USP4: variants seen among roughly 807,000 people sequenced by gnomAD.
USP4 encodes the protein ubiquitin specific peptidase 4.
A neutral mutation model predicts 118.2 loss-of-function variants in USP4; 72 were observed. The observed-to-expected ratio is 0.61, with a 90% CI of 0.50 to 0.74. The LOEUF (loss-of-function observed/expected upper bound fraction) is 0.74, where lower values mean the gene tolerates loss of function less well. USP4 is among the 30% of genes least tolerant of loss of function. The pLI, the probability that USP4 is intolerant of heterozygous loss-of-function variation, is 0.00. For missense variants in USP4, 1,037 were observed against 1,185.7 expected, an observed-to-expected ratio of 0.87 and a Z score of 1.84; for synonymous variants, 415 against 440.4, an observed-to-expected ratio of 0.94 and a Z score of 0.72.
Position 49,316,184 on chromosome 3 carries a change from G to A in USP4, c.696-4530C>T, listed in dbSNP as rs560878526. Among the ~76,000 whole-genome samples the A allele has an allele frequency of 1.4e-4, 22 of 152,224 alleles. No homozygotes were observed. The East Asian group carries it at 4.1e-3, about 28-fold the overall frequency. On this transcript the variant is annotated intron_variant, in intron 6 of 21. Coordinates refer to ENST00000265560, the MANE Select transcript of USP4 (RefSeq NM_003363.4). The stretch of plus-strand genomic sequence containing the variant: ...GCCATTGCACTCCAGACTGGGAAAT[G>A]AGAGCGAGACTTCATCTAAAAAAAA...
At chr3:49,306,380 T>G (rs2047317708) in intron 8 of USP4, among the ~76,000 whole-genome samples, 1 of 151,762 alleles carries the variant, frequency 6.6e-6, no homozygotes, top group African/African-American at 2.4e-5. Flanking sequence ...TTTTTGTATT[T>G]TCAGTAGAGA....
chr3:49,285,780 TA>T (rs1243496515), intron 16 of USP4, among the ~76,000 whole-genome samples: 4 of 152,194 alleles, frequency 2.6e-5, no homozygotes, highest in African/African-American at 7.2e-5. Flanking sequence ...CTTATTCTTA[TA>T]AGTGAGCAAG....
chr3:49,298,107 G>A (rs998796322), intron 12 of USP4, 143 bp from the exon 13 acceptor site: 1 of 632,854 alleles, frequency 1.6e-6, no homozygotes, highest in African/African-American at 1.8e-5. Context: ...CAGCCCCAGA[G>A]AGCTGAGGGC....
chr3:49,281,164 T>G (rs1275072488), intron 19 of USP4, among the ~76,000 whole-genome samples: 1 of 151,524 alleles, frequency 6.6e-6, no homozygotes, highest in Non-Finnish European at 1.5e-5. Flanking sequence ...CTGCTAAAAA[T>G]ACAAAAATTA....
chr3:49,323,234 T>C (rs2107797510), intron 6 of USP4, among the ~76,000 whole-genome samples: 1 of 136,224 alleles, frequency 7.3e-6, no homozygotes, highest in African/African-American at 2.8e-5. Context: ...CCCAAAGTGC[T>C]GGGATTACAG....
In USP4 at chr3:49,321,247, G is replaced by A. The variant is rs570987980; in HGVS notation, c.695+3455C>T. Among the ~76,000 whole-genome samples, 6 of 152,154 alleles carry A rather than the reference G, an allele frequency of 3.9e-5. No homozygotes were observed. In the East Asian group the frequency reaches 7.7e-4, roughly 20 times the overall value. On this transcript the variant is annotated intron_variant, in intron 6 of 21. Coordinates refer to ENST00000265560, the MANE Select transcript of USP4 (RefSeq NM_003363.4). ...TTCAAAGTTATACATTCAATTTTCC[G>A]TTTCTGTTAGTTGTTCCATTAACTT...
rs771244239 is a variant in USP4, at chr3:49,340,004, G to A, written c.21C>T (p.Cys7=). The change falls in exon 1 of 22, where the codon TGC becomes TGT. Residue 7 remains cysteine, a synonymous_variant. Coordinates refer to ENST00000265560, the MANE Select transcript of USP4 (RefSeq NM_003363.4). ...GAGTCTCCGCATCCGGTCGCTCACGGCAGCCTCCACCTTCCGCCATCTCCT... is the reference window on the plus strand; with the variant it reads ...GAGTCTCCGCATCCGGTCGCTCACGACAGCCTCCACCTTCCGCCATCTCCT... MAEGGG[C]RERPDAETQK... The A allele has an allele frequency of 6.2e-7, 1 of 1,609,630 alleles. No individual in the cohort carries two copies. Among genetic ancestry groups the A allele is most frequent in the Non-Finnish European group, 8.5e-7 (1 of 1,179,778 alleles).
intron 6 of USP4, among the ~76,000 whole-genome samples, chr3:49,320,270 C>T (rs1373590823): frequency 6.6e-6 from 1 of 152,108 alleles, no homozygotes; most frequent in Non-Finnish European, 1.5e-5. Flanking sequence ...TGGAGAAACC[C>T]TGTCTCTACT....
intron 15 of USP4, among the ~76,000 whole-genome samples, chr3:49,287,131 C>T (rs1045127097): frequency 3.9e-5 from 6 of 152,146 alleles, no homozygotes; most frequent in South Asian, 2.1e-4. Context: ...GGATTACAGA[C>T]GTGAGCCACT....
rs1485739786 is a variant in USP4, at chr3:49,292,612, A to C, written c.1884-14T>G. The stretch of plus-strand genomic sequence containing the variant: ...TTCACATAGCGGCTTCAAAAAGAGA[A>C]AAAGAGAAGAAAAAAAAGATTGTTA... On this transcript the variant is annotated splice_polypyrimidine_tract_variant and intron_variant, in intron 14 of 21. Transcript: ENST00000265560. 3 of 1,525,952 alleles carry C rather than the reference A, an allele frequency of 2.0e-6. No individual in the cohort carries two copies. In the African/African-American group the frequency reaches 4.2e-5, roughly 21 times the overall value. The allele number at this position is 1,525,952 out of a possible 1,614,324, so 94.5% of individuals were successfully genotyped here. A position where few individuals can be genotyped will look rare whatever the true frequency, so the allele number is the denominator to read the frequency against.
chr3:49,310,456 C>G (rs576106041), intron 8 of USP4, among the ~76,000 whole-genome samples, 164 bp downstream of exon 8: 1 of 152,252 alleles, frequency 6.6e-6, no homozygotes, highest in African/African-American at 2.4e-5. Flanking sequence ...ACTGATGAAG[C>G]CATTCTATAC....
intron 8 of USP4, among the ~76,000 whole-genome samples, chr3:49,309,013 C>G (rs2047351269): frequency 1.6e-5 from 2 of 128,878 alleles, no homozygotes; most frequent in African/African-American, 3.0e-5. Flanking sequence ...GCCTGGGCAA[C>G]AGAGAAAGAG....
intron 2 of USP4, among the ~76,000 whole-genome samples, chr3:49,331,047 C>T (rs1285667653): frequency 6.7e-6 from 1 of 150,040 alleles, no homozygotes; most frequent in African/African-American, 2.5e-5. Context: ...GGAGGCCGGG[C>T]GTGGTGGCTC....
intron 6 of USP4, chr3:49,317,376 C>CAGCTCCTCCTGCTTCTGGCAT: frequency 9.2e-7 from 1 of 1,089,306 alleles, no homozygotes; most frequent in Non-Finnish European, 1.4e-6. Flanking sequence ...TCTGCCAGCA[C>CAGCTCCTCCTGCTTCTGGCAT]AGCTCCTCCT....
chr3:49,284,152 T>C lies in USP4; in HGVS notation c.2391-16A>G, dbSNP rs1035878653. 1 of 1,613,898 alleles carries C rather than the reference T, an allele frequency of 6.2e-7. No individual in the cohort carries two copies. Among genetic ancestry groups the C allele is most frequent in the Non-Finnish European group, 8.5e-7 (1 of 1,179,992 alleles). Reference sequence around the variant, plus strand: ...GGGACAGTACCTAAAAAGAGAAACCTCCACTTAGCAGGGCAAGCCGGCAGC... The same window carrying C: ...GGGACAGTACCTAAAAAGAGAAACCCCCACTTAGCAGGGCAAGCCGGCAGC... On this transcript the variant is annotated splice_polypyrimidine_tract_variant and intron_variant, in intron 18 of 21. Transcript: ENST00000265560.
At chr3:49,335,707 A>T in intron 1 of USP4, 111 bp from the exon 2 acceptor site, 1 of 1,220,408 alleles carries the variant, frequency 8.2e-7, no homozygotes, top group Non-Finnish European at 1.2e-6. Flanking sequence ...TGCAATACCC[A>T]CTAAAAAACA....
At chr3:49,305,681 G>C in intron 9 of USP4, 34 bp downstream of exon 9, 3 of 1,525,194 alleles carry the variant, frequency 2.0e-6, no homozygotes, top group Non-Finnish European at 2.6e-6. Context: ...TATATACAGG[G>C]ATACCCAACC....
chr3:49,286,016 G>A lies in USP4; in HGVS notation c.2200+82C>T, dbSNP rs1175382747. Reference sequence around the variant, plus strand: ...GGCACAGAGACTGTGAAAGCCCAATGCAGTGAGTGTCAAGTGTAAGGATTT... The same window carrying A: ...GGCACAGAGACTGTGAAAGCCCAATACAGTGAGTGTCAAGTGTAAGGATTT... On this transcript the variant is annotated intron_variant, in intron 16 of 21. Transcript: ENST00000265560. 3.0e-6 allele frequency: 4 copies of A among 1,330,884 alleles called. No homozygotes were observed. In the East Asian group the frequency reaches 9.5e-5, roughly 31 times the overall value. 82.4% of individuals were successfully genotyped at this position (1,330,884 alleles called of 1,614,324 possible).
At chr3:49,330,066 T>C (rs572068947) in intron 2 of USP4, among the ~76,000 whole-genome samples, 139 of 151,500 alleles carry the variant, frequency 9.2e-4, no homozygotes, top group Non-Finnish European at 1.7e-3. Flanking sequence ...TTGAACCTGG[T>C]AGGAGGAGGC....
Sources: gnomAD v4.1 joint callset for allele counts (sites outside exome capture counted in the v4.1 genomes callset) on GRCh38, gnomAD v4.1.1 for gene constraint, MANE v1.5 for transcripts, NCBI Gene and HGNC (gene_info 2026-07-23, HGNC 2026-07-21) for gene names.